UAP1: variants seen among roughly 807,000 people sequenced by gnomAD.
UAP1 encodes UDP-N-acetylglucosamine pyrophosphorylase 1.
Under a neutral mutation model 58.5 loss-of-function variants are expected in UAP1, and 25 were observed. The ratio of observed to expected loss-of-function variants is 0.43; its 90% confidence interval spans 0.31 to 0.60. The LOEUF (loss-of-function observed/expected upper bound fraction) is 0.60. Among genes scored for constraint, UAP1 ranks in the 20% least tolerant of loss-of-function variants. The pLI is 0.11. For synonymous variants in UAP1, 208 were observed against 213.0 expected, an observed-to-expected ratio of 0.98 and a Z score of 0.21; for missense variants, 575 against 630.0, an observed-to-expected ratio of 0.91 and a Z score of 0.93.
At chr1:162,577,492 A>G (rs1435176724) in intron 3 of UAP1, among the ~76,000 whole-genome samples, 3 of 118,360 alleles carry the variant, frequency 2.5e-5, no homozygotes, top group Admixed American at 1.2e-4. Context: ...TCGGTCACCC[A>G]GGCTGGAGTG....
At chr1:162,574,093 CTTT>C (rs1204675147) in intron 2 of UAP1, among the ~76,000 whole-genome samples, 4 of 134,896 alleles carry the variant, frequency 3.0e-5, no homozygotes, top group Non-Finnish European at 3.2e-5. Flanking sequence ...CTTTTCTTTT[CTTT>C]TTTTTTTTTT....
At position 162,581,942 on chromosome 1, in the gene UAP1, G is replaced by A. The variant is rs936396479; in HGVS notation, c.834+483G>A. Among the ~76,000 whole-genome samples, 14 of 152,312 alleles carry A rather than the reference G, an allele frequency of 9.2e-5. 1 individual carries two copies. Among genetic ancestry groups the A allele is most frequent in the African/African-American group, 3.4e-4 (14 of 41,574 alleles). ...CAATTAAAGAGGTGAATAACTGCTT[G>A]AATGACCACACACAGACTGATACTA... is the stretch of plus-strand genomic sequence containing the variant. On this transcript the variant is annotated intron_variant, in intron 5 of 10. Transcript: ENST00000271469.
chr1:162,570,103 C>T (rs193058944), intron 2 of UAP1, among the ~76,000 whole-genome samples: 10 of 150,132 alleles, frequency 6.7e-5, no homozygotes, highest in African/African-American at 2.0e-4. Context: ...GAGCCAAGAT[C>T]GTGCCACTGT....
Position 162,587,671 on chromosome 1 carries a change from A to C in UAP1, c.1028+3A>C, listed in dbSNP as rs1369752306. The C allele has an allele frequency of 6.2e-7, 1 of 1,608,378 alleles. No homozygotes were observed. The highest frequency in any genetic ancestry group is 1.1e-5 in the South Asian group (1 of 90,730). On this transcript the variant is annotated splice_donor_region_variant and intron_variant, in intron 6 of 10. Coordinates refer to ENST00000271469, the Ensembl canonical transcript of UAP1. The stretch of plus-strand genomic sequence containing the variant: ...CCATTTCTGAGAGATGTTGTCAAGT[A>C]TGGGCAAGATGGGGGCCTTTTAAAA...
At chr1:162,585,866 G>A (rs1195379689) in intron 5 of UAP1, among the ~76,000 whole-genome samples, 1 of 152,072 alleles carries the variant, frequency 6.6e-6, no homozygotes, top group Non-Finnish European at 1.5e-5. Context: ...TAGAGTACAT[G>A]AAGTAAGAGA....
chr1:162,577,253 T>C (rs1330578562), intron 3 of UAP1, among the ~76,000 whole-genome samples: 1 of 151,718 alleles, frequency 6.6e-6, no homozygotes, highest in African/African-American at 2.4e-5. Flanking sequence ...ATCTAGAAAC[T>C]CATATTTTCA....
chr1:162,575,181 G>A (rs952683907), intron 2 of UAP1, among the ~76,000 whole-genome samples: 2 of 152,162 alleles, frequency 1.3e-5, no homozygotes, highest in Non-Finnish European at 2.9e-5. Flanking sequence ...TGATTCTCCT[G>A]CCTCAGCCTC....
intron 2 of UAP1, 93 bp downstream of exon 2, chr1:162,566,441 A>G (rs1314520055): frequency 3.8e-6 from 5 of 1,324,118 alleles, no homozygotes; most frequent in Non-Finnish European, 5.1e-6. Context: ...ATTTTGATTC[A>G]TACTACATTA....
intron 1 of UAP1, among the ~76,000 whole-genome samples, chr1:162,562,963 A>G (rs2101717059): frequency 6.6e-6 from 1 of 152,358 alleles, no homozygotes; most frequent in African/African-American, 2.4e-5. Flanking sequence ...TAATAAAAAT[A>G]TATTTGATAA....
chr1:162,590,924 ATTT>A (rs529871740), intron 8 of UAP1, among the ~76,000 whole-genome samples: 10 of 126,732 alleles, frequency 7.9e-5, no homozygotes, highest in East Asian at 2.2e-4. Flanking sequence ...CCTCACCACT[ATTT>A]TTTTTTTTTT....
At chr1:162,583,964 C>A (rs1654761078) in intron 5 of UAP1, among the ~76,000 whole-genome samples, 1 of 152,206 alleles carries the variant, frequency 6.6e-6, no homozygotes, top group South Asian at 2.1e-4. Context: ...TTATAAGACT[C>A]AGGCTCAAGG....
chr1:162,577,806 T>TGG (rs1299600949), intron 3 of UAP1, among the ~76,000 whole-genome samples: 3 of 152,052 alleles, frequency 2.0e-5, no homozygotes, highest in African/African-American at 7.2e-5. Flanking sequence ...GAGATGGAGT[T>TGG]TCACCATGTT....
chr1:162,577,213 G>A (rs1335751342), intron 3 of UAP1, among the ~76,000 whole-genome samples: 1 of 151,794 alleles, frequency 6.6e-6, no homozygotes, highest in East Asian at 1.9e-4. Context: ...TCCTGACTGA[G>A]TACCTTAAAG....
chr1:162,590,217 GA>G lies in UAP1; in HGVS notation c.1170-104del, dbSNP rs973242725. 4.4e-5 allele frequency: 36 copies of G among 824,266 alleles called. No homozygotes were observed. The Admixed American group carries it at 9.5e-4, about 22-fold the overall frequency. 51.1% of individuals were successfully genotyped at this position (824,266 alleles called of 1,614,324 possible). On this transcript the variant is annotated intron_variant, in intron 7 of 10. Coordinates refer to ENST00000271469, the Ensembl canonical transcript of UAP1. ...AATATTTTATTCATCATTCAGATTGGAATAGGAAAGCCTATTGTTGAGACCA... is the reference window on the plus strand; with the variant it reads ...AATATTTTATTCATCATTCAGATTGGATAGGAAAGCCTATTGTTGAGACCA...
At chr1:162,594,746 T>C (rs529904088) in intron 9 of UAP1, among the ~76,000 whole-genome samples, 1 of 152,368 alleles carries the variant, frequency 6.6e-6, no homozygotes, top group South Asian at 2.1e-4. Flanking sequence ...TTAGTTAAGA[T>C]ACAAAAAGCT....
intron 7 of UAP1, among the ~76,000 whole-genome samples, chr1:162,589,850 AAGTCCC>A (rs910004584): frequency 6.6e-6 from 1 of 151,940 alleles, no homozygotes; most frequent in African/African-American, 2.4e-5. Context: ...TGCATGCCTG[AAGTCCC>A]AGCTACTCAG....
chr1:162,590,625 T>C (rs1655245443), intron 8 of UAP1, 114 bp downstream of exon 8: 2 of 788,394 alleles, frequency 2.5e-6, no homozygotes, highest in Non-Finnish European at 3.9e-6. Flanking sequence ...AGCAAAGTTT[T>C]GATGTGTGAA....
chr1:162,590,619 A>G (rs757118027), intron 8 of UAP1, 108 bp downstream of exon 8: 2 of 869,628 alleles, frequency 2.3e-6, no homozygotes, highest in Middle Eastern at 2.3e-4. Context: ...TTAAAAAGCA[A>G]AGTTTTGATG....
At chr1:162,566,650 A>G (rs1452885314) in intron 2 of UAP1, among the ~76,000 whole-genome samples, 2 of 151,366 alleles carry the variant, frequency 1.3e-5, no homozygotes, top group Non-Finnish European at 2.9e-5. Flanking sequence ...TTTTTAAGAC[A>G]GAGTCTCACT....
Sources: allele counts gnomAD v4.1 joint callset (sites outside exome capture counted in the v4.1 genomes callset), GRCh38; gene constraint gnomAD v4.1.1; transcripts MANE v1.5; gene names NCBI Gene and HGNC (gene_info 2026-07-23, HGNC 2026-07-21).